The following MRAP2 variants were observed in gnomAD, a reference collection of about 807,000 sequenced individuals.
The protein encoded by MRAP2 is melanocortin 2 receptor accessory protein 2.
Under a neutral mutation model 17.4 loss-of-function variants are expected in MRAP2, and 20 were observed. The ratio of observed to expected loss-of-function variants is 1.15; its 90% CI spans 0.81 to 1.67. The LOEUF (loss-of-function observed/expected upper bound fraction) is 1.67, where lower values mean the gene tolerates loss of function less well. Among genes scored for constraint, MRAP2 ranks in the 40% most tolerant of loss-of-function variants. The pLI, the probability that MRAP2 is intolerant of heterozygous loss-of-function variation, is 0.00. For synonymous variants in MRAP2, 96 were observed against 88.4 expected (o/e 1.09, Z -0.48); for missense variants, 238 against 240.0 (o/e 0.99, Z 0.05).
intron 2 of MRAP2, chr6:84,062,467 C>T: frequency 2.2e-6 from 2 of 889,084 alleles, no homozygotes; most frequent in South Asian, 5.2e-5. Context: ...TTTCCTTGCA[C>T]AGTTAATATC....
chr6:84,098,399 T>C, the MRAP2 span, among the ~76,000 whole-genome samples: 3 of 152,322 alleles, frequency 2.0e-5, no homozygotes, highest in African/African-American at 4.8e-5. Flanking sequence ...TTGGCTATTG[T>C]AAATAAATAT....
chr6:84,080,028 T>TG lies in MRAP2; in HGVS notation c.228-9063_228-9062insG, dbSNP rs141294193. ...CCCAGCTCTATTGCCAGGGTTTTTTTTTTGTTTGTTTGATTTTTCTTTTGA... is the reference window on the plus strand; with the variant it reads ...CCCAGCTCTATTGCCAGGGTTTTTTTGTTTGTTTGTTTGATTTTTCTTTTGA... On this transcript the variant is annotated intron_variant, in intron 3 of 3. Coordinates refer to ENST00000257776, the MANE Select transcript of MRAP2 (RefSeq NM_138409.4). Among the ~76,000 whole-genome samples the TG allele has an allele frequency of 1.2e-3, 176 of 150,426 alleles. 1 individual carries two copies. Among genetic ancestry groups the TG allele is most frequent in the East Asian group, 0.01 (53 of 5,060 alleles).
At position 84,089,142 on chromosome 6, in the gene MRAP2, C is replaced by T. The variant is rs2099501200; in HGVS notation, c.279C>T (p.Asp93=). The T allele has an allele frequency of 6.2e-7, 1 of 1,614,152 alleles. No homozygotes were observed. The highest frequency in any genetic ancestry group is 1.3e-5 in the African/African-American group (1 of 75,038). ...TCAGAATGAACAGCTTTGTGTCAGACTTTGGAAGACCTCTGGAGCCAGATA... is the reference window on the plus strand; with the variant it reads ...TCAGAATGAACAGCTTTGTGTCAGATTTTGGAAGACCTCTGGAGCCAGATA... The part of the protein sequence containing the change: ...KRFRMNSFVS[D]FGRPLEPDKV... The change falls in exon 4 of 4, where the codon GAC becomes GAT. Residue 93 remains aspartate, a synonymous_variant. Transcript: ENST00000257776.
the MRAP2 span, among the ~76,000 whole-genome samples, chr6:84,133,580 C>G: frequency 6.6e-6 from 1 of 152,204 alleles, no homozygotes; most frequent in African/African-American, 2.4e-5. Flanking sequence ...GCCCCTCCCC[C>G]AGCCTTGCTG....
intron 1 of MRAP2, among the ~76,000 whole-genome samples, chr6:84,043,687 G>A (rs892664576): frequency 6.6e-6 from 1 of 151,630 alleles, no homozygotes; most frequent in East Asian, 1.9e-4. Context: ...GGGTGGGTGG[G>A]TGTATTTGAA....
chr6:84,103,719 A>G, the MRAP2 span, among the ~76,000 whole-genome samples: 2 of 152,040 alleles, frequency 1.3e-5, no homozygotes, highest in Admixed American at 6.6e-5. Flanking sequence ...GTGTAGCTCT[A>G]TTTCTATTAT....
the MRAP2 span, among the ~76,000 whole-genome samples, chr6:84,100,792 C>G: frequency 6.6e-6 from 1 of 152,030 alleles, no homozygotes; most frequent in African/African-American, 2.4e-5. Context: ...ACACAGTAAA[C>G]CTTTCAAGAT....
intron 3 of MRAP2, among the ~76,000 whole-genome samples, chr6:84,072,045 ATAAC>A (rs947285510): frequency 1.2e-4 from 18 of 152,170 alleles, no homozygotes; most frequent in Non-Finnish European, 2.5e-4. Context: ...GATTAGCTTA[ATAAC>A]TAACCTCCCA....
the MRAP2 span, among the ~76,000 whole-genome samples, chr6:84,122,454 A>G: frequency 2.6e-5 from 4 of 152,004 alleles, no homozygotes; most frequent in African/African-American, 9.7e-5. Context: ...AATGTGATTC[A>G]CCACATAAAC....
chr6:84,115,061 C>T, the MRAP2 span, among the ~76,000 whole-genome samples: 2 of 152,132 alleles, frequency 1.3e-5, no homozygotes, highest in African/African-American at 4.8e-5. Context: ...GTCAGGGGCC[C>T]CTTAAGGAGG....
the MRAP2 span, among the ~76,000 whole-genome samples, chr6:84,112,240 C>A: frequency 6.6e-6 from 1 of 151,962 alleles, no homozygotes; most frequent in African/African-American, 2.4e-5. Flanking sequence ...TCCTGGGCTT[C>A]TTTTGGTTGG....
At chr6:84,057,807 G>T (rs1209298055) in intron 2 of MRAP2, among the ~76,000 whole-genome samples, 1 of 152,194 alleles carries the variant, frequency 6.6e-6, no homozygotes, top group Admixed American at 6.5e-5. Flanking sequence ...GATAAATAGA[G>T]TGGGGGTAAA....
At chr6:84,106,312 A>AG in the MRAP2 span, among the ~76,000 whole-genome samples, 3 of 152,234 alleles carry the variant, frequency 2.0e-5, no homozygotes, top group Admixed American at 1.3e-4. Flanking sequence ...TTTTGGCAGA[A>AG]GCATTACATG....
At chr6:84,131,295 T>TA in the MRAP2 span, among the ~76,000 whole-genome samples, 1 of 152,196 alleles carries the variant, frequency 6.6e-6, no homozygotes, top group Non-Finnish European at 1.5e-5. Flanking sequence ...AATTTTAAAA[T>TA]AAGTGTGATG....
intron 1 of MRAP2, among the ~76,000 whole-genome samples, chr6:84,044,843 C>G (rs950984541): frequency 6.6e-6 from 1 of 152,132 alleles, no homozygotes; most frequent in Non-Finnish European, 1.5e-5. Flanking sequence ...GTAGTACAGT[C>G]GGGGCTCCAC....
At chr6:84,114,931 G>C in the MRAP2 span, among the ~76,000 whole-genome samples, 1 of 152,176 alleles carries the variant, frequency 6.6e-6, no homozygotes, top group Non-Finnish European at 1.5e-5. Context: ...ATTGCTGCCT[G>C]TTCCTTTCTC....
rs1043037555 is a variant in MRAP2, at chr6:84,062,557, TAA to T, written c.128-332_128-331del. 1.7e-5 allele frequency: 17 copies of T among 985,300 alleles called. No homozygotes were observed. In the East Asian group the frequency reaches 1.7e-3, roughly 98 times the overall value. 61.0% of individuals were successfully genotyped at this position (985,300 alleles called of 1,614,324 possible). A position where few individuals can be genotyped will look rare whatever the true frequency, so the allele number is the denominator to read the frequency against. On this transcript the variant is annotated intron_variant, in intron 2 of 3. Coordinates refer to ENST00000257776, the MANE Select transcript of MRAP2 (RefSeq NM_138409.4). ...CTTAAAACTTGAGTTGATAGTCTGC[TAA>T]AAATTTTATTTTCTAACTCAAAACA...
At chr6:84,086,595 CTAAGAG>C (rs1472527763) in intron 3 of MRAP2, among the ~76,000 whole-genome samples, 2 of 152,172 alleles carry the variant, frequency 1.3e-5, no homozygotes, top group African/African-American at 4.8e-5. Context: ...TTACTGGACT[CTAAGAG>C]TACAAAGATG....
the MRAP2 span, among the ~76,000 whole-genome samples, chr6:84,125,523 G>A: frequency 1.3e-5 from 2 of 152,034 alleles, no homozygotes; most frequent in African/African-American, 4.8e-5. Context: ...GACTGTATGT[G>A]GAGTAAGGAA....
Sources: allele counts gnomAD v4.1 joint callset (sites outside exome capture counted in the v4.1 genomes callset), GRCh38; gene constraint gnomAD v4.1.1; transcripts MANE v1.5; gene names NCBI Gene and HGNC (gene_info 2026-07-23, HGNC 2026-07-21).